The following ZEB1 variants were observed in gnomAD, a reference collection of about 807,000 sequenced individuals.
ZEB1 encodes zinc finger E-box binding homeobox 1.
A neutral mutation model predicts 84.9 loss-of-function variants in ZEB1; 21 were observed. The observed-to-expected ratio is 0.25, with a 90% confidence interval of 0.18 to 0.36. The LOEUF is 0.36. ZEB1 is among the 10% of genes least tolerant of loss of function. ZEB1 has a pLI of 1.00. For synonymous variants in ZEB1, 420 were observed against 471.1 expected, an observed-to-expected ratio of 0.89 and a Z score of 1.41; for missense variants, 1,104 against 1,330.2, an observed-to-expected ratio of 0.83 and a Z score of 2.65.
At chr10:31,471,634 C>G (rs1001641837) in intron 2 of ZEB1, among the ~76,000 whole-genome samples, 1 of 146,880 alleles carries the variant, frequency 6.8e-6, no homozygotes, top group Non-Finnish European at 1.5e-5. Context: ...ACCCCACTGT[C>G]AACATTAGAC....
chr10:31,441,344 G>T (rs974390883), intron 1 of ZEB1, among the ~76,000 whole-genome samples: 6 of 152,208 alleles, frequency 3.9e-5, no homozygotes, highest in African/African-American at 7.2e-5. Flanking sequence ...TGGGAAAACT[G>T]ACTAGCCATA....
intron 1 of ZEB1, among the ~76,000 whole-genome samples, chr10:31,364,459 G>T (rs995944948): frequency 6.6e-6 from 1 of 152,188 alleles, no homozygotes; most frequent in Non-Finnish European, 1.5e-5. Context: ...AGGTTACAGG[G>T]CCAGAACCTG....
chr10:31,432,694 A>G (rs796278253), intron 1 of ZEB1, among the ~76,000 whole-genome samples: 32 of 152,322 alleles, frequency 2.1e-4, no homozygotes, highest in African/African-American at 7.2e-4. Flanking sequence ...CCTTCATTTA[A>G]AAGTGATTTA....
At position 31,418,983 on chromosome 10, in the gene ZEB1, T is replaced by G. The variant is rs1363687342; in HGVS notation, c.59-42054T>G. 2.6e-5 allele frequency among the ~76,000 whole-genome samples: 4 copies of G among 152,270 alleles called. 1 individual carries two copies. The highest frequency in any genetic ancestry group is 2.0e-4 in the Admixed American group (3 of 15,286). ...AAATCTGATATCCAAACACTTCTTTTCTCAAGGATTTTGGATAAGGTATGC... is the reference window on the plus strand; with the variant it reads ...AAATCTGATATCCAAACACTTCTTTGCTCAAGGATTTTGGATAAGGTATGC... On this transcript the variant is annotated intron_variant, in intron 1 of 8. Transcript: ENST00000424869.
intron 1 of ZEB1, among the ~76,000 whole-genome samples, chr10:31,338,070 A>G (rs1039589195): frequency 4.6e-5 from 7 of 152,092 alleles, no homozygotes; most frequent in Non-Finnish European, 8.8e-5. Context: ...TAATTCTTTT[A>G]TATTTTTGTA....
chr10:31,321,279 A>AT, intron 1 of ZEB1: 2 of 1,340,482 alleles, frequency 1.5e-6, no homozygotes, highest in Non-Finnish European at 9.6e-7. Flanking sequence ...CCATAATTAT[A>AT]TTTTTAATAT....
chr10:31,494,171 C>T (rs1306254564), intron 2 of ZEB1, among the ~76,000 whole-genome samples: 1 of 151,860 alleles, frequency 6.6e-6, no homozygotes, highest in Non-Finnish European at 1.5e-5. Context: ...TAAGGAGACA[C>T]ATTGAAGCGA....
intron 1 of ZEB1, among the ~76,000 whole-genome samples, chr10:31,450,067 G>T (rs572192726): frequency 2.0e-5 from 3 of 152,146 alleles, no homozygotes; most frequent in African/African-American, 7.2e-5. Context: ...AACTGTAGAC[G>T]TGTTGATCTA....
At chr10:31,335,327 T>C (rs1423518394) in intron 1 of ZEB1, among the ~76,000 whole-genome samples, 2 of 152,136 alleles carry the variant, frequency 1.3e-5, no homozygotes, top group Non-Finnish European at 2.9e-5. Context: ...ATAGTATTTA[T>C]AGGGCTTCCA....
Position 31,390,049 on chromosome 10 carries a change from A to G in ZEB1, c.58+70757A>G, listed in dbSNP as rs149922213. 2.8e-4 allele frequency among the ~76,000 whole-genome samples: 42 copies of G among 152,288 alleles called. 2 individuals are homozygous for G. The East Asian group carries it at 7.9e-3, about 29-fold the overall frequency. On this transcript the variant is annotated intron_variant, in intron 1 of 8. Transcript: ENST00000424869. ...GAACTCCCCTTGTTTAGAGTTTCCA[A>G]ATTTAGCAGAAGGAAAAAACAAAAC...
At chr10:31,453,641 A>C (rs1166615880) in intron 1 of ZEB1, among the ~76,000 whole-genome samples, 4 of 152,338 alleles carry the variant, frequency 2.6e-5, no homozygotes, top group African/African-American at 9.6e-5. Flanking sequence ...CCTCGCAAAT[A>C]AACTAGAAAA....
At chr10:31,409,741 G>A (rs2053872571) in intron 1 of ZEB1, among the ~76,000 whole-genome samples, 2 of 152,122 alleles carry the variant, frequency 1.3e-5, no homozygotes, top group Non-Finnish European at 2.9e-5. Flanking sequence ...CTTGTAAGTT[G>A]TATTCCTAAG....
chr10:31,362,805 GCATGAGCCACCAC>G, intron 1 of ZEB1: 1 of 787,168 alleles, frequency 1.3e-6, no homozygotes, highest in Non-Finnish European at 2.1e-6. Context: ...TGGATTACAG[GCATGAGCCACCAC>G]GCCTGCCCTG....
chr10:31,515,681 C>G (rs1375237534), intron 6 of ZEB1, among the ~76,000 whole-genome samples: 1 of 152,028 alleles, frequency 6.6e-6, no homozygotes, highest in Non-Finnish European at 1.5e-5. Context: ...GGCTAACCCT[C>G]AATGTTAAAC....
In ZEB1 at chr10:31,521,250, G is replaced by A. The variant is rs764134185; in HGVS notation, c.1918G>A (p.Val640Met). The A allele has an allele frequency of 4.3e-6, 7 of 1,614,100 alleles. No homozygotes were observed. The South Asian group carries it at 4.4e-5, about 10-fold the overall frequency. Reference sequence around the variant, plus strand: ...AAAGATGCAAGCTGGACAGATTTCAGTGCAGTCTTCTGAACCATCTTCTCC... The same window carrying A: ...AAAGATGCAAGCTGGACAGATTTCAATGCAGTCTTCTGAACCATCTTCTCC... ...FEKMQAGQIS[V>M]QSSEPSSPEP... The change falls in exon 7 of 9, where the codon GTG becomes ATG. Residue 640 changes from valine to methionine, a missense_variant. Around this residue, in one of 7 missense-constraint regions of ZEB1, gnomAD observed 531 missense variants for 575.2 expected, o/e 0.92. Transcript: ENST00000424869.
chr10:31,359,183 G>A (rs1023561567), intron 1 of ZEB1, among the ~76,000 whole-genome samples: 1 of 152,014 alleles, frequency 6.6e-6, no homozygotes, highest in African/African-American at 2.4e-5. Context: ...CTGTGTTTTG[G>A]CACTTCTGCT....
intron 6 of ZEB1, among the ~76,000 whole-genome samples, chr10:31,518,170 C>T (rs568560190): frequency 6.6e-6 from 1 of 152,166 alleles, no homozygotes; most frequent in South Asian, 2.1e-4. Flanking sequence ...TGTTTTACCC[C>T]CACTGGAAAC....
intron 1 of ZEB1, among the ~76,000 whole-genome samples, chr10:31,380,893 A>G (rs917979999): frequency 2.6e-5 from 4 of 152,168 alleles, no homozygotes; most frequent in South Asian, 2.1e-4. Flanking sequence ...AATTTTATGT[A>G]GTCAACATAT....
At chr10:31,511,852 G>A (rs2070102467) in intron 5 of ZEB1, among the ~76,000 whole-genome samples, 1 of 152,170 alleles carries the variant, frequency 6.6e-6, no homozygotes, top group Non-Finnish European at 1.5e-5. Flanking sequence ...GAAAAAGAAT[G>A]ACTGAGCAGA....
Sources: allele counts gnomAD v4.1 joint callset (sites outside exome capture counted in the v4.1 genomes callset), GRCh38; gene constraint gnomAD v4.1.1; regional missense constraint gnomAD v4.1.1; transcripts MANE v1.5; gene names NCBI Gene and HGNC (gene_info 2026-07-23, HGNC 2026-07-21).